The following TNFSF4 variants were observed in gnomAD, a reference collection of about 807,000 sequenced individuals.
TNFSF4 encodes the protein TNF superfamily member 4, also known as tumor necrosis factor ligand superfamily member 4.
TNFSF4 carries 4 observed loss-of-function variants against 7.3 expected under a neutral mutation model. The observed-to-expected ratio is 0.55, with a 90% CI of 0.27 to 1.25. The LOEUF (loss-of-function observed/expected upper bound fraction) is 1.25. Among genes scored for constraint, TNFSF4 ranks in the 50% most tolerant of loss-of-function variants. The pLI, the probability that TNFSF4 is intolerant of heterozygous loss-of-function variation, is 0.12. For synonymous variants in TNFSF4, 76 were observed against 83.7 expected (o/e 0.91, Z 0.50); for missense variants, 181 against 208.8 (o/e 0.87, Z 0.82).
chr1:173,270,288 G>T, the TNFSF4 span, among the ~76,000 whole-genome samples: 15 of 152,116 alleles, frequency 9.9e-5, no homozygotes, highest in Non-Finnish European at 1.6e-4. Context: ...AAAGGGAGAG[G>T]TCGAGGCTGG....
chr1:173,231,439 T>C, the TNFSF4 span, among the ~76,000 whole-genome samples: 13 of 152,286 alleles, frequency 8.5e-5, no homozygotes, highest in Middle Eastern at 3.4e-3. Flanking sequence ...ATTGATGGAA[T>C]GTATCTCAAA....
At chr1:173,279,294 T>C in the TNFSF4 span, among the ~76,000 whole-genome samples, 16 of 152,264 alleles carry the variant, frequency 1.1e-4, no homozygotes, top group African/African-American at 3.6e-4. Flanking sequence ...CTTTCCATGG[T>C]TTAAGCCCAT....
chr1:173,267,873 G>C, the TNFSF4 span, among the ~76,000 whole-genome samples: 1 of 140,096 alleles, frequency 7.1e-6, no homozygotes, highest in Admixed American at 7.6e-5. Flanking sequence ...GAGGAGATGA[G>C]AGGAGAGGAG....
chr1:173,377,549 G>C, the TNFSF4 span, among the ~76,000 whole-genome samples: 1 of 152,150 alleles, frequency 6.6e-6, no homozygotes, highest in African/African-American at 2.4e-5. Flanking sequence ...CCTGACCCTT[G>C]CGTCCTGGGT....
At chr1:173,314,061 T>C in the TNFSF4 span, among the ~76,000 whole-genome samples, 1 of 152,094 alleles carries the variant, frequency 6.6e-6, no homozygotes, top group African/African-American at 2.4e-5. Flanking sequence ...TCATACATTC[T>C]ACATATCCTA....
At chr1:173,198,274 C>A (rs112736993) in intron 1 of TNFSF4, among the ~76,000 whole-genome samples, 3 of 152,226 alleles carry the variant, frequency 2.0e-5, no homozygotes, top group African/African-American at 7.2e-5. Context: ...CTAATATTCT[C>A]ATTTCAATGT....
At chr1:173,417,868 T>A in the TNFSF4 span, 1 of 152,128 alleles carries the variant, frequency 6.6e-6, no homozygotes. Flanking sequence ...TTCTGTAAAG[T>A]TTAAATTATT....
the TNFSF4 span, among the ~76,000 whole-genome samples, chr1:173,273,427 A>C: frequency 6.6e-6 from 1 of 152,152 alleles, no homozygotes; most frequent in Admixed American, 6.6e-5. Flanking sequence ...GTGGTGCAAA[A>C]AATTTTTGAA....
At chr1:173,436,800 G>A in the TNFSF4 span, among the ~76,000 whole-genome samples, 2 of 152,140 alleles carry the variant, frequency 1.3e-5, no homozygotes, top group African/African-American at 4.8e-5. Context: ...AATCTAATGG[G>A]GAGCGCTGAA....
At chr1:173,313,764 C>G in the TNFSF4 span, among the ~76,000 whole-genome samples, 1 of 152,034 alleles carries the variant, frequency 6.6e-6, no homozygotes, top group Non-Finnish European at 1.5e-5. Context: ...ATATTACACA[C>G]ACTTTTATAA....
chr1:173,449,435 C>T, the TNFSF4 span, among the ~76,000 whole-genome samples: 5 of 151,664 alleles, frequency 3.3e-5, no homozygotes, highest in African/African-American at 7.3e-5. Flanking sequence ...CTCATTGCAA[C>T]CTCCATCTTC....
chr1:173,298,368 A>C, the TNFSF4 span, among the ~76,000 whole-genome samples: 46 of 152,072 alleles, frequency 3.0e-4, no homozygotes, highest in African/African-American at 1.1e-3. Flanking sequence ...ATAATGGTTT[A>C]GTTAACATGT....
chr1:173,212,261 C>A (rs773388168), upstream of TNFSF4, among the ~76,000 whole-genome samples: 12 of 152,172 alleles, frequency 7.9e-5, no homozygotes, highest in Non-Finnish European at 1.6e-4. Context: ...CCACTTCCAA[C>A]ACTGGAGCTC....
chr1:173,186,638 T>C lies in TNFSF4; in HGVS notation c.430A>G (p.Thr144Ala). 6.2e-7 allele frequency: 1 copy of C among 1,614,176 alleles called. No individual in the cohort carries two copies. The highest frequency in any genetic ancestry group is 1.3e-5 in the African/African-American group (1 of 75,058). Residue 144 changes from threonine to alanine, a missense_variant, in exon 3 of 3, where the codon ACT becomes GCT. Transcript: ENST00000281834. ...TTCAAGTAGACTTTGTCTTTGTAAGTCAGAGAGGCCACCATCAAGGAGTTG... is the reference window on the plus strand; with the variant it reads ...TTCAAGTAGACTTTGTCTTTGTAAGCCAGAGAGGCCACCATCAAGGAGTTG... ...SVNSLMVASL[T>A]YKDKVYLNVT...
At chr1:173,349,283 C>T in the TNFSF4 span, among the ~76,000 whole-genome samples, 2 of 152,198 alleles carry the variant, frequency 1.3e-5, no homozygotes, top group Non-Finnish European at 2.9e-5. Context: ...CCGCCTCGGC[C>T]TCCCAAAGTG....
At chr1:173,301,744 T>C in the TNFSF4 span, among the ~76,000 whole-genome samples, 3 of 151,954 alleles carry the variant, frequency 2.0e-5, no homozygotes, top group Admixed American at 1.3e-4. Context: ...CAAAAATGCT[T>C]ATCACCACCT....
chr1:173,356,592 A>G, the TNFSF4 span, among the ~76,000 whole-genome samples: 3 of 152,154 alleles, frequency 2.0e-5, no homozygotes, highest in Admixed American at 1.3e-4. Flanking sequence ...TCTTTGCATT[A>G]TACTCCTTCC....
chr1:173,376,921 G>A, the TNFSF4 span, among the ~76,000 whole-genome samples: 1 of 152,296 alleles, frequency 6.6e-6, no homozygotes, highest in African/African-American at 2.4e-5. Flanking sequence ...CCCAGAGGGA[G>A]GAACAAACAA....
At chr1:173,284,631 T>C in the TNFSF4 span, among the ~76,000 whole-genome samples, 1 of 152,172 alleles carries the variant, frequency 6.6e-6, no homozygotes, top group Non-Finnish European at 1.5e-5. Context: ...AGCTGATGAC[T>C]TTAAGTTGAA....
Sources: allele counts gnomAD v4.1 joint callset (sites outside exome capture counted in the v4.1 genomes callset), GRCh38; gene constraint gnomAD v4.1.1; transcripts MANE v1.5; gene names NCBI Gene and HGNC (gene_info 2026-07-23, HGNC 2026-07-21).